DNAH3: variants seen among roughly 807,000 people sequenced by gnomAD.
DNAH3 encodes the protein axonemal beta dynein heavy chain 3.
DNAH3 carries 332 observed loss-of-function variants against 432.5 expected under a neutral mutation model. The ratio of observed to expected loss-of-function variants is 0.77; its 90% confidence interval spans 0.70 to 0.84. DNAH3 has a LOEUF of 0.84. Ranked by LOEUF, DNAH3 falls within the 40% of genes least tolerant of loss-of-function variation. DNAH3 has a pLI of 0.00. For synonymous variants in DNAH3, 1,956 were observed against 1,900.2 expected (o/e 1.03, Z -0.76); for missense variants, 4,861 against 5,114.0 (o/e 0.95, Z 1.51).
rs55797285 is a variant in DNAH3 at position 21,040,358 on chromosome 16, A to ATTTTTTTTTTTT, written c.4639-427_4639-416dup. The stretch of plus-strand genomic sequence containing the variant: ...TCAGAAGAATCCCAAAGCCAGACAG[A>ATTTTTTTTTTTT]TTTTTTTTTTTTTTTTTTTTTTTTT... On this transcript the variant is annotated intron_variant, in intron 32 of 61. Transcript: ENST00000261383. Among the ~76,000 whole-genome samples the ATTTTTTTTTTTT allele has an allele frequency of 9.7e-4, 77 of 79,710 alleles. 8 individuals carry two copies. Among genetic ancestry groups the ATTTTTTTTTTTT allele is most frequent in the Non-Finnish European group, 1.4e-3 (61 of 44,936 alleles). The allele number at this position is 79,710 out of a possible 152,430, so 52.3% of individuals were successfully genotyped here.
At chr16:21,124,102 G>C (rs557391294) in intron 9 of DNAH3, among the ~76,000 whole-genome samples, 1 of 152,106 alleles carries the variant, frequency 6.6e-6, no homozygotes, top group East Asian at 1.9e-4. Flanking sequence ...AGTGTTTTTA[G>C]TTTTCATTTT....
intron 20 of DNAH3, among the ~76,000 whole-genome samples, chr16:21,075,892 G>A (rs919155476): frequency 1.4e-4 from 11 of 78,710 alleles, no homozygotes; most frequent in African/African-American, 2.5e-4. Flanking sequence ...CTCCACTCTG[G>A]AAAACAGAGT....
exon 62 of DNAH3, chr16:20,933,186 C>T (rs769044399): frequency 6.2e-7 from 1 of 1,614,096 alleles, no homozygotes. Context: ...GAGGCCACCC[C>T]TCGGTTTATC....
At chr16:20,990,314 GATCT>G (rs1300089604) in intron 44 of DNAH3, among the ~76,000 whole-genome samples, 13 of 152,066 alleles carry the variant, frequency 8.5e-5, no homozygotes, top group Non-Finnish European at 1.6e-4. Flanking sequence ...TGTATCTATA[GATCT>G]ATGTATCTGT....
chr16:20,972,869 C>T (rs1378563175), intron 51 of DNAH3, among the ~76,000 whole-genome samples: 1 of 149,388 alleles, frequency 6.7e-6, no homozygotes. Context: ...GCTGGGATTA[C>T]AGGTGCCCAC....
intron 8 of DNAH3, 35 bp from the exon 10 acceptor site, chr16:21,125,405 C>T (rs1310211401): frequency 1.3e-6 from 2 of 1,520,956 alleles, no homozygotes. Flanking sequence ...GTGAGAAGCT[C>T]TTCTGGGCTC....
At chr16:21,114,483 G>A (rs1351438222) in intron 12 of DNAH3, among the ~76,000 whole-genome samples, 1 of 152,110 alleles carries the variant, frequency 6.6e-6, no homozygotes. Flanking sequence ...GCTTCCAAGA[G>A]GTGATCAACA....
At chr16:21,115,388 T>TA (rs11460795) in intron 12 of DNAH3, among the ~76,000 whole-genome samples, 136,240 of 141,344 alleles carry the variant, frequency 0.96, 65,732 homozygotes, top group South Asian at 0.99. Context: ...GCTTAAAGTG[T>TA]AAAAAAAAAA....
intron 24 of DNAH3, chr16:21,062,976 T>C (rs1298249036): frequency 1.3e-5 from 4 of 311,242 alleles, no homozygotes; most frequent in Admixed American, 9.4e-5. Context: ...GCATGAGACA[T>C]TGCACCCAGC....
At chr16:21,079,486 G>A (rs1367975564) in intron 20 of DNAH3, among the ~76,000 whole-genome samples, 1 of 152,128 alleles carries the variant, frequency 6.6e-6, no homozygotes, top group Non-Finnish European at 1.5e-5. Flanking sequence ...AGCCAGGCAT[G>A]ATGGCAGGTG....
chr16:21,024,664 A>C (rs762026076), exon 39 of DNAH3: 4 of 1,613,856 alleles, frequency 2.5e-6, no homozygotes, highest in Non-Finnish European at 3.4e-6. Context: ...AGGGGCTTCC[A>C]GCCTAGTTGA....
At chr16:21,098,298 G>T (rs1336580731) in intron 17 of DNAH3, among the ~76,000 whole-genome samples, 1 of 151,946 alleles carries the variant, frequency 6.6e-6, no homozygotes, top group Non-Finnish European at 1.5e-5. Flanking sequence ...AATGAGCTGG[G>T]CATGGTGGCA....
chr16:20,978,896 G>A (rs980761153), intron 50 of DNAH3, among the ~76,000 whole-genome samples: 2 of 151,806 alleles, frequency 1.3e-5, no homozygotes, highest in African/African-American at 4.8e-5. Context: ...GAAATAACAT[G>A]CCCCTGGCTC....
chr16:20,959,298 G>A, exon 54 of DNAH3: 1 of 1,614,176 alleles, frequency 6.2e-7, no homozygotes, highest in Admixed American at 1.7e-5. Context: ...CGTCTTTGAT[G>A]GCATTGTTGA....
intron 32 of DNAH3, 101 bp downstream of exon 32, chr16:21,041,926 G>A (rs2089461315): frequency 7.2e-7 from 1 of 1,379,324 alleles, no homozygotes; most frequent in Non-Finnish European, 1.0e-6. Context: ...GCCCACCTTG[G>A]CCTCCCAAAG....
chr16:21,027,270 G>A, intron 37 of DNAH3, 143 bp from the exon 38 acceptor site: 1 of 631,804 alleles, frequency 1.6e-6, no homozygotes, highest in Non-Finnish European at 2.9e-6. Context: ...GCACTGTTAT[G>A]CACTAACTCC....
chr16:20,962,911 A>C (rs1374254461), intron 53 of DNAH3, among the ~76,000 whole-genome samples: 1 of 152,132 alleles, frequency 6.6e-6, no homozygotes, highest in Non-Finnish European at 1.5e-5. Flanking sequence ...CTCCCAACTC[A>C]TTCTCCCAAA....
At chr16:21,121,023 G>A (rs1456721069) in intron 10 of DNAH3, 7 of 702,376 alleles carry the variant, frequency 1.0e-5, no homozygotes, top group Non-Finnish European at 1.8e-5. Context: ...AGAATGCTTG[G>A]GCCTCCTTGC....
At chr16:20,986,671 G>A (rs1324786413) in intron 47 of DNAH3, among the ~76,000 whole-genome samples, 1 of 152,064 alleles carries the variant, frequency 6.6e-6, no homozygotes, top group African/African-American at 2.4e-5. Context: ...CCACCAAATA[G>A]AAGTATAGAC....
Sources: allele counts gnomAD v4.1 joint callset (sites outside exome capture counted in the v4.1 genomes callset), GRCh38; gene constraint gnomAD v4.1.1; transcripts MANE v1.5; gene names NCBI Gene and HGNC (gene_info 2026-07-23, HGNC 2026-07-21).